NOSTRIN: variants seen among roughly 807,000 people sequenced by gnomAD.
NOSTRIN encodes the protein nitric oxide synthase trafficking.
A neutral mutation model predicts 59.0 loss-of-function variants in NOSTRIN; 63 were observed. The observed-to-expected ratio is 1.07, with a 90% CI of 0.87 to 1.32. The LOEUF is 1.32. Ranked by LOEUF, NOSTRIN falls within the 40% of genes most tolerant of loss-of-function variation. The pLI, the probability that NOSTRIN is intolerant of heterozygous loss-of-function variation, is 0.00. For missense variants in NOSTRIN, 512 were observed against 473.1 expected (o/e 1.08, Z -0.76); for synonymous variants, 200 against 165.4 (o/e 1.21, Z -1.61).
intron 2 of NOSTRIN, among the ~76,000 whole-genome samples, chr2:168,789,387 A>C (rs1464429650): frequency 6.6e-6 from 1 of 152,226 alleles, no homozygotes; most frequent in Non-Finnish European, 1.5e-5. Flanking sequence ...GGCATATCTT[A>C]CGTGGCTGCA....
intron 8 of NOSTRIN, among the ~76,000 whole-genome samples, 199 bp downstream of exon 8, chr2:168,843,316 T>G (rs2105719991): frequency 2.0e-5 from 3 of 152,338 alleles, no homozygotes; most frequent in Middle Eastern, 6.8e-3. Flanking sequence ...ATTTATTGAA[T>G]TTCACTGGCC....
In NOSTRIN at chr2:168,864,116, T is replaced by C. The variant is rs188178671; in HGVS notation, c.1385-718T>C. Among the ~76,000 whole-genome samples the C allele has an allele frequency of 6.9e-3, 1,041 of 151,846 alleles. 13 individuals carry two copies. The highest frequency in any genetic ancestry group is 0.015 in the South Asian group (72 of 4,794). ...CCAAATAGCTGGGACTACAGGCGTG[T>C]GCCACCATGCCTGGCTAATTTTTGT... is the stretch of plus-strand genomic sequence containing the variant. On this transcript the variant is annotated intron_variant, in intron 15 of 15. Coordinates refer to ENST00000317647, the MANE Select transcript of NOSTRIN (RefSeq NM_001039724.4).
At chr2:168,814,496 T>C (rs1686301309) in intron 2 of NOSTRIN, among the ~76,000 whole-genome samples, 1 of 152,230 alleles carries the variant, frequency 6.6e-6, no homozygotes, top group Non-Finnish European at 1.5e-5. Context: ...TAATCTTCCC[T>C]TGTATTAGAA....
intron 2 of NOSTRIN, among the ~76,000 whole-genome samples, chr2:168,790,940 T>C (rs920309929): frequency 6.6e-6 from 1 of 152,210 alleles, no homozygotes; most frequent in Non-Finnish European, 1.5e-5. Context: ...GAACTTGCAA[T>C]TTGTTTGTAA....
chr2:168,808,977 CATA>C (rs1237031780), intron 1 of NOSTRIN, among the ~76,000 whole-genome samples: 1 of 152,110 alleles, frequency 6.6e-6, no homozygotes, highest in African/African-American at 2.4e-5. Context: ...GTAGTGAGTA[CATA>C]ATGTGTATTA....
At position 168,862,381 on chromosome 2, in the gene NOSTRIN, G is replaced by A. The variant is rs111886175; in HGVS notation, c.1384+332G>A. 3.0e-4 allele frequency among the ~76,000 whole-genome samples: 46 copies of A among 151,074 alleles called. 1 individual carries two copies. Among genetic ancestry groups the A allele is most frequent in the African/African-American group, 9.9e-4 (41 of 41,470 alleles). ...GCTTTGGCTAATGTCACAGGCTGTG[G>A]CAACACAAGATTTGAACTTGGAAAC... On this transcript the variant is annotated intron_variant, in intron 15 of 15. Coordinates refer to ENST00000317647, the MANE Select transcript of NOSTRIN (RefSeq NM_001039724.4).
chr2:168,853,470 T>C (rs1181000621), intron 10 of NOSTRIN, among the ~76,000 whole-genome samples: 1 of 152,188 alleles, frequency 6.6e-6, no homozygotes, highest in African/African-American at 2.4e-5. Context: ...TTCTAACAAA[T>C]CTTTAGAAGA....
chr2:168,845,792 T>TCTTC (rs201656312), intron 8 of NOSTRIN, among the ~76,000 whole-genome samples: 34 of 142,100 alleles, frequency 2.4e-4, no homozygotes, highest in African/African-American at 8.5e-4. Context: ...TTTTCTTCCT[T>TCTTC]TTTTTTTTTT....
At chr2:168,797,924 A>G (rs559329375), upstream of NOSTRIN, among the ~76,000 whole-genome samples, 14 of 152,288 alleles carry the variant, frequency 9.2e-5, no homozygotes, top group East Asian at 3.9e-4. Context: ...CGCAGTATCC[A>G]TGGGGCATTG....
intron 8 of NOSTRIN, among the ~76,000 whole-genome samples, chr2:168,844,244 C>T (rs1210544675): frequency 6.6e-6 from 1 of 152,124 alleles, no homozygotes; most frequent in Non-Finnish European, 1.5e-5. Flanking sequence ...ACAGAACTGC[C>T]AGAAACAGCC....
At position 168,861,947 on chromosome 2, in the gene NOSTRIN, T is replaced by C; in HGVS notation, c.1295-13T>C. 6.2e-7 allele frequency: 1 copy of C among 1,613,388 alleles called. No homozygotes were observed. The highest frequency in any genetic ancestry group is 8.5e-7 in the Non-Finnish European group (1 of 1,179,354). On this transcript the variant is annotated splice_polypyrimidine_tract_variant and intron_variant, in intron 14 of 15. Transcript: ENST00000317647. ...CTAACACAGCATACTAATTACAGCT[T>C]TATCTATTTCAGCCCCTGGTGCAGC...
upstream of NOSTRIN, among the ~76,000 whole-genome samples, chr2:168,797,764 G>A (rs192323018): frequency 6.6e-6 from 1 of 151,890 alleles, no homozygotes; most frequent in East Asian, 1.9e-4. Context: ...AATCGCTGGA[G>A]TTCAGGAGTT....
At chr2:168,834,163 G>A in intron 6 of NOSTRIN, 64 bp from the exon 7 acceptor site, 1 of 804,034 alleles carries the variant, frequency 1.2e-6, no homozygotes, top group South Asian at 1.4e-5. Context: ...TCCAAAAGAG[G>A]AGAGTTTTCT....
chr2:168,797,200 C>T (rs1685507738), upstream of NOSTRIN, among the ~76,000 whole-genome samples: 1 of 149,118 alleles, frequency 6.7e-6, no homozygotes, highest in Non-Finnish European at 1.5e-5. Context: ...GGTGATCCTC[C>T]CACCTCAGCC....
intron 1 of NOSTRIN, among the ~76,000 whole-genome samples, chr2:168,803,420 G>A (rs758808252): frequency 9.2e-5 from 14 of 152,194 alleles, no homozygotes; most frequent in Non-Finnish European, 1.8e-4. Flanking sequence ...GCTAAGATTG[G>A]TGACATCATA....
chr2:168,849,041 T>A (rs918785884), intron 8 of NOSTRIN, among the ~76,000 whole-genome samples: 2 of 152,194 alleles, frequency 1.3e-5, no homozygotes, highest in Non-Finnish European at 2.9e-5. Context: ...TATAGAGGAA[T>A]ACCATACTGA....
chr2:168,803,049 T>C (rs1324450744), intron 1 of NOSTRIN, among the ~76,000 whole-genome samples: 1 of 152,186 alleles, frequency 6.6e-6, no homozygotes, highest in Non-Finnish European at 1.5e-5. Flanking sequence ...AATTTTTGGC[T>C]CTGAGAATAA....
intron 13 of NOSTRIN, 47 bp from the exon 14 acceptor site, chr2:168,860,748 T>C: frequency 1.7e-6 from 2 of 1,150,826 alleles, no homozygotes; most frequent in Non-Finnish European, 2.6e-6. Flanking sequence ...CATGAATGTT[T>C]ATGATAATCG....
intron 12 of NOSTRIN, chr2:168,859,197 T>C (rs923378535): frequency 8.9e-6 from 2 of 224,244 alleles, no homozygotes; most frequent in Non-Finnish European, 1.7e-5. Context: ...TCAACACTTA[T>C]CCCCTTTCTT....
Sources: gnomAD v4.1 joint callset for allele counts (sites outside exome capture counted in the v4.1 genomes callset) on GRCh38, gnomAD v4.1.1 for gene constraint, MANE v1.5 for transcripts, NCBI Gene and HGNC (gene_info 2026-07-23, HGNC 2026-07-21) for gene names.